The following DIPK1A variants were observed in gnomAD, a reference collection of about 807,000 sequenced individuals.
DIPK1A encodes the protein divergent protein kinase domain 1A, also known as family with sequence similarity 69 member A.
A neutral mutation model predicts 40.8 loss-of-function variants in DIPK1A; 27 were observed. That is an observed-to-expected ratio of 0.66 (90% CI 0.49 to 0.91). The LOEUF (loss-of-function observed/expected upper bound fraction) is 0.91. DIPK1A is among the 40% of genes least tolerant of loss of function. DIPK1A has a pLI of 0.00. For synonymous variants in DIPK1A, 166 were observed against 171.3 expected (o/e 0.97, Z 0.24); for missense variants, 412 against 505.7 (o/e 0.81, Z 1.78).
chr1:92,936,501 T>C (rs952514582), intron 1 of DIPK1A, among the ~76,000 whole-genome samples: 19 of 151,722 alleles, frequency 1.3e-4, no homozygotes, highest in African/African-American at 4.4e-4. Flanking sequence ...TGGTGGTGCA[T>C]GCCTATAATC....
intron 1 of DIPK1A, chr1:92,931,889 G>A (rs965564554): frequency 5.7e-5 from 11 of 192,292 alleles, no homozygotes; most frequent in Non-Finnish European, 1.2e-4. Context: ...TTCACTCTTG[G>A]ATCAAAGGCA....
intron 1 of DIPK1A, among the ~76,000 whole-genome samples, chr1:92,905,364 C>T (rs964656855): frequency 6.6e-6 from 1 of 151,976 alleles, no homozygotes; most frequent in Non-Finnish European, 1.5e-5. Context: ...GAGTGAGATA[C>T]ATTTCTCTGA....
At chr1:92,910,977 C>T (rs1181576051) in intron 1 of DIPK1A, among the ~76,000 whole-genome samples, 1 of 152,184 alleles carries the variant, frequency 6.6e-6, no homozygotes, top group East Asian at 1.9e-4. Flanking sequence ...CTATTACCTC[C>T]CCCATTCCCT....
At chr1:92,863,354 C>A (rs1647367099) in intron 2 of DIPK1A, among the ~76,000 whole-genome samples, 1 of 152,156 alleles carries the variant, frequency 6.6e-6, no homozygotes, top group Admixed American at 6.5e-5. Context: ...AACAGTGATA[C>A]TGCCTGTCCC....
At chr1:92,921,075 G>C (rs1268286001) in intron 1 of DIPK1A, among the ~76,000 whole-genome samples, 1 of 152,192 alleles carries the variant, frequency 6.6e-6, no homozygotes, top group African/African-American at 2.4e-5. Flanking sequence ...ACTAGTTGGG[G>C]AAGGGGTTGG....
downstream of DIPK1A, chr1:92,837,395 ATTC>A (rs1557441722): frequency 2.1e-6 from 3 of 1,441,872 alleles, no homozygotes; most frequent in Non-Finnish European, 2.9e-6. Context: ...ACTAAAGTAA[ATTC>A]TTACTAGTAA....
chr1:92,917,181 T>G (rs1650087371), intron 1 of DIPK1A, among the ~76,000 whole-genome samples: 1 of 152,226 alleles, frequency 6.6e-6, no homozygotes, highest in South Asian at 2.1e-4. Context: ...CCCCCTATGT[T>G]GACTTTAAAG....
At chr1:92,933,331 T>A (rs1161462403) in intron 1 of DIPK1A, 1 of 152,124 alleles carries the variant, frequency 6.6e-6, no homozygotes, top group Non-Finnish European at 1.5e-5. Context: ...ACCTAAAAAC[T>A]ACAGAAGGAA....
rs551553927 is a variant in DIPK1A, at chr1:92,940,937, G to A, written c.54+20439C>T. 3.3e-5 allele frequency among the ~76,000 whole-genome samples: 5 copies of A among 152,234 alleles called. No individual in the cohort carries two copies. In the South Asian group the frequency reaches 6.2e-4, roughly 19 times the overall value. On this transcript the variant is annotated intron_variant, in intron 1 of 4. Transcript: ENST00000370310. ...TATAGCTTTGGTAAAATGTCTATGC[G>A]TGTCTTTTTCCCACTTTCTAACTGG...
chr1:92,840,882 C>T, downstream of DIPK1A: 2 of 611,508 alleles, frequency 3.3e-6, no homozygotes, highest in Non-Finnish European at 6.1e-6. Context: ...TTTTTATTGG[C>T]TGACAAGTTG....
At chr1:92,896,108 C>T (rs1649153873) in intron 1 of DIPK1A, among the ~76,000 whole-genome samples, 1 of 152,096 alleles carries the variant, frequency 6.6e-6, no homozygotes, top group African/African-American at 2.4e-5. Context: ...CAATGCCATC[C>T]CCATCAAGCT....
At chr1:92,961,062 G>T (rs2100932264) in intron 1 of DIPK1A, among the ~76,000 whole-genome samples, 1 of 152,258 alleles carries the variant, frequency 6.6e-6, no homozygotes, top group East Asian at 1.9e-4. Flanking sequence ...GGCAATGCCC[G>T]GAGCGCGGGG....
chr1:92,853,897 GT>G (rs370909256), intron 2 of DIPK1A, among the ~76,000 whole-genome samples: 1 of 151,592 alleles, frequency 6.6e-6, no homozygotes, highest in Admixed American at 6.6e-5. Flanking sequence ...TTTTTGTTTT[GT>G]TTTTTTGAGA....
chr1:92,845,292 G>GTTTT (rs71094207), intron 4 of DIPK1A, among the ~76,000 whole-genome samples: 2 of 97,428 alleles, frequency 2.1e-5, no homozygotes, highest in African/African-American at 7.7e-5. Flanking sequence ...GCAGAGTACC[G>GTTTT]TTTTTTTTTT....
downstream of DIPK1A, chr1:92,837,544 G>T (rs1207727513): frequency 6.2e-7 from 1 of 1,612,184 alleles, no homozygotes; most frequent in Non-Finnish European, 8.5e-7. Context: ...GAATGTTGCA[G>T]ATTACATGCG....
intron 1 of DIPK1A, among the ~76,000 whole-genome samples, chr1:92,951,796 A>G (rs1322301812): frequency 6.6e-6 from 1 of 152,144 alleles, no homozygotes; most frequent in African/African-American, 2.4e-5. Flanking sequence ...GTTTAAACCT[A>G]CAGAAAATTT....
chr1:92,902,536 T>C (rs972932176), intron 1 of DIPK1A, among the ~76,000 whole-genome samples: 1 of 152,196 alleles, frequency 6.6e-6, no homozygotes, highest in Admixed American at 6.5e-5. Flanking sequence ...TCTTCATCTA[T>C]AGGGAGACCA....
intron 1 of DIPK1A, among the ~76,000 whole-genome samples, chr1:92,922,776 TA>T (rs1650320025): frequency 1.3e-5 from 2 of 152,224 alleles, no homozygotes; most frequent in Non-Finnish European, 2.9e-5. Flanking sequence ...TGAATGTCTG[TA>T]ACCTTCGAGA....
chr1:92,874,945 C>A (rs146529564), intron 2 of DIPK1A, among the ~76,000 whole-genome samples: 1 of 152,092 alleles, frequency 6.6e-6, no homozygotes, highest in Admixed American at 6.6e-5. Flanking sequence ...TCTTAAAATT[C>A]CTTAAGGATC....
Sources: gnomAD v4.1 joint callset for allele counts (sites outside exome capture counted in the v4.1 genomes callset) on GRCh38, gnomAD v4.1.1 for gene constraint, MANE v1.5 for transcripts, NCBI Gene and HGNC (gene_info 2026-07-23, HGNC 2026-07-21) for gene names.